The following RERE variants were observed in gnomAD, a reference collection of about 807,000 sequenced individuals.
The protein encoded by RERE is arginine-glutamic acid dipeptide repeats protein.
In RERE, 40 loss-of-function variants were observed where a neutral mutation model predicts 146.1. The observed-to-expected ratio is 0.27, with a 90% CI of 0.21 to 0.36. RERE has a LOEUF of 0.36. RERE is among the 10% of genes least tolerant of loss of function. The pLI is 1.00. For missense variants in RERE, 1,933 were observed against 2,138.7 expected (o/e 0.90, Z 1.90); for synonymous variants, 1,003 against 866.0 (o/e 1.16, Z -2.78).
Position 8,354,240 on chromosome 1 carries a change from G to A in RERE, c.*847C>T, listed in dbSNP as rs1340183261. The stretch of plus-strand genomic sequence containing the variant: ...GAGGTCTGATGGAGCAGATGTCTGT[G>A]CTGCTGGCAGAGCACAGGCTAGGAG... On this transcript the variant is annotated 3_prime_UTR_variant, in exon 23 of 23. Coordinates refer to ENST00000400908, the MANE Select transcript of RERE (RefSeq NM_001042681.2). 1 of 152,562 alleles carries A rather than the reference G, an allele frequency of 6.6e-6. No homozygotes were observed. The highest frequency in any genetic ancestry group is 1.5e-5 in the Non-Finnish European group (1 of 68,040). The allele number at this position is 152,562 out of a possible 1,614,324, so 9.5% of individuals were successfully genotyped here.
chr1:8,675,689 C>T (rs562656556), intron 1 of RERE, among the ~76,000 whole-genome samples: 2 of 151,896 alleles, frequency 1.3e-5, no homozygotes, highest in South Asian at 4.2e-4. Flanking sequence ...CACCACTGCA[C>T]TCCAGCCTGG....
intron 1 of RERE, among the ~76,000 whole-genome samples, chr1:8,675,124 T>C (rs6685902): frequency 0.012 from 1,821 of 152,224 alleles, 31 homozygotes; most frequent in African/African-American, 0.041. Flanking sequence ...ATCCCTCTTT[T>C]CTCTCCTCCC....
intron 4 of RERE, among the ~76,000 whole-genome samples, chr1:8,577,158 G>GAC (rs1164046340): frequency 1.4e-5 from 2 of 147,340 alleles, no homozygotes; most frequent in Non-Finnish European, 3.0e-5. Context: ...GACAGAGAGA[G>GAC]ACTCAAAAAA....
At chr1:8,456,964 A>ATC (rs1390764632) in intron 11 of RERE, among the ~76,000 whole-genome samples, 1 of 152,202 alleles carries the variant, frequency 6.6e-6, no homozygotes, top group South Asian at 2.1e-4. Flanking sequence ...GACTGTTTTA[A>ATC]TCTATCCTCC....
intron 1 of RERE, among the ~76,000 whole-genome samples, chr1:8,742,705 A>G (rs1018702366): frequency 1.3e-5 from 2 of 151,954 alleles, no homozygotes; most frequent in Non-Finnish European, 2.9e-5. Context: ...TTAGCCAGGC[A>G]TGATGGTTAA....
chr1:8,623,376 G>A (rs987452091), intron 3 of RERE, among the ~76,000 whole-genome samples: 4 of 152,130 alleles, frequency 2.6e-5, no homozygotes. Context: ...ACTTGTTTCC[G>A]GGAGGCAGAG....
chr1:8,467,268 A>G (rs1644612353), intron 10 of RERE, among the ~76,000 whole-genome samples: 1 of 152,230 alleles, frequency 6.6e-6, no homozygotes, highest in Non-Finnish European at 1.5e-5. Flanking sequence ...AACATTCAAG[A>G]CATGTAAAGA....
chr1:8,470,046 C>T (rs149969599), intron 10 of RERE, among the ~76,000 whole-genome samples: 1 of 152,240 alleles, frequency 6.6e-6, no homozygotes, highest in Non-Finnish European at 1.5e-5. Context: ...AGCTTCCTTC[C>T]CTACTCTGTT....
chr1:8,748,628 C>G (rs1190062416), intron 1 of RERE, among the ~76,000 whole-genome samples: 1 of 152,144 alleles, frequency 6.6e-6, no homozygotes, highest in Admixed American at 6.5e-5. Flanking sequence ...AATTCCAGCA[C>G]CAGCAACTTA....
intron 4 of RERE, among the ~76,000 whole-genome samples, chr1:8,607,147 G>A (rs1646723659): frequency 6.6e-6 from 1 of 152,066 alleles, no homozygotes; most frequent in South Asian, 2.1e-4. Context: ...AATTCTTTGA[G>A]CCCAAGAGTT....
chr1:8,541,687 T>C (rs905601360), intron 6 of RERE, among the ~76,000 whole-genome samples: 2 of 152,308 alleles, frequency 1.3e-5, no homozygotes, highest in Non-Finnish European at 2.9e-5. Flanking sequence ...AAAATGAGCC[T>C]TTCTTCCTAC....
intron 2 of RERE, among the ~76,000 whole-genome samples, chr1:8,641,986 T>C (rs905547235): frequency 6.6e-6 from 1 of 152,200 alleles, no homozygotes; most frequent in African/African-American, 2.4e-5. Flanking sequence ...CTTTTATCTC[T>C]GTGAAGATCT....
At chr1:8,648,308 T>C (rs1021350929) in intron 2 of RERE, among the ~76,000 whole-genome samples, 2 of 152,200 alleles carry the variant, frequency 1.3e-5, no homozygotes, top group African/African-American at 2.4e-5. Context: ...CACTGCTCAC[T>C]GCAGCCTCAA....
chr1:8,773,084 T>C (rs1376243193), intron 1 of RERE, among the ~76,000 whole-genome samples: 2 of 152,176 alleles, frequency 1.3e-5, no homozygotes, highest in Admixed American at 6.5e-5. Flanking sequence ...AATTTACTTC[T>C]TTAAAAAATA....
At chr1:8,736,382 A>G (rs1640197679) in intron 1 of RERE, among the ~76,000 whole-genome samples, 1 of 151,738 alleles carries the variant, frequency 6.6e-6, no homozygotes, top group Non-Finnish European at 1.5e-5. Flanking sequence ...AATTTTTTGT[A>G]TTTTTTAGTA....
intron 1 of RERE, among the ~76,000 whole-genome samples, chr1:8,787,588 G>C (rs560488853): frequency 1.3e-5 from 2 of 151,948 alleles, no homozygotes; most frequent in South Asian, 4.2e-4. Context: ...CAGCACTTTG[G>C]GGGAGGCCAA....
intron 1 of RERE, among the ~76,000 whole-genome samples, chr1:8,731,149 T>G (rs1159193311): frequency 6.6e-6 from 1 of 152,194 alleles, no homozygotes; most frequent in Non-Finnish European, 1.5e-5. Flanking sequence ...AACGGTAATT[T>G]TGACGAACTG....
At chr1:8,496,380 G>C (rs1044742855) in intron 9 of RERE, among the ~76,000 whole-genome samples, 1 of 152,026 alleles carries the variant, frequency 6.6e-6, no homozygotes, top group Non-Finnish European at 1.5e-5. Context: ...AGGAGGCTGA[G>C]GCAGGAGGAT....
intron 12 of RERE, among the ~76,000 whole-genome samples, chr1:8,392,441 TC>T (rs1455127863): frequency 6.6e-6 from 1 of 152,234 alleles, no homozygotes; most frequent in African/African-American, 2.4e-5. Flanking sequence ...CATCTATCTA[TC>T]TAGATAAAAA....
Sources: gnomAD v4.1 joint callset for allele counts (sites outside exome capture counted in the v4.1 genomes callset) on GRCh38, gnomAD v4.1.1 for gene constraint, MANE v1.5 for transcripts, NCBI Gene and HGNC (gene_info 2026-07-23, HGNC 2026-07-21) for gene names.